The following RNF220 variants were observed in gnomAD, a reference collection of about 807,000 sequenced individuals.
The protein encoded by RNF220 is E3 ubiquitin-protein ligase RNF220.
Under a neutral mutation model 67.1 loss-of-function variants are expected in RNF220, and 7 were observed. The observed-to-expected ratio is 0.10, with a 90% CI of 0.06 to 0.20. RNF220 has a LOEUF of 0.20. RNF220 is among the 10% of genes least tolerant of loss of function. The pLI, the probability that RNF220 is intolerant of heterozygous loss-of-function variation, is 1.00. For missense variants in RNF220, 565 were observed against 740.3 expected (o/e 0.76, Z 2.75); for synonymous variants, 270 against 283.2 (o/e 0.95, Z 0.47).
In RNF220 at chr1:44,565,287, C is replaced by CAGGG. The variant is rs958106496; in HGVS notation, c.626-48860_626-48857dup. On this transcript the variant is annotated intron_variant, in intron 2 of 14. Transcript: ENST00000361799. This position sits in a 1 kb window ranked among gnomAD's most constrained non-coding sequence, Gnocchi z 4.2. ...CCAATCTGGAAGCCTGGGGAAAATG[C>CAGGG]AGGGAGGGAGGGAGGGAGGGAAGAA... 1.6e-5 allele frequency among the ~76,000 whole-genome samples: 2 copies of CAGGG among 127,268 alleles called. No individual in the cohort carries two copies. Among genetic ancestry groups the CAGGG allele is most frequent in the African/African-American group, 5.9e-5 (2 of 33,936 alleles). The allele number at this position is 127,268 out of a possible 152,430, so 83.5% of individuals were successfully genotyped here.
intron 6 of RNF220, among the ~76,000 whole-genome samples, chr1:44,633,111 G>A (rs567521170): frequency 6.8e-4 from 104 of 152,330 alleles, no homozygotes; most frequent in African/African-American, 2.4e-3. Context: ...GTAAGTGAGA[G>A]AGGCCATGGA....
intron 2 of RNF220, among the ~76,000 whole-genome samples, chr1:44,463,033 CAAAAAA>C (rs1557949402): frequency 1.4e-5 from 2 of 140,464 alleles, no homozygotes; most frequent in South Asian, 4.5e-4. Context: ...TCTCAAAAAA[CAAAAAA>C]AGAAAATACA....
chr1:44,481,396 A>G (rs1233744808), intron 2 of RNF220, among the ~76,000 whole-genome samples: 1 of 152,176 alleles, frequency 6.6e-6, no homozygotes. Context: ...GCTGCACTCC[A>G]TCCTGGGTTG....
At chr1:44,641,819 T>C (rs1644497612) in intron 8 of RNF220, among the ~76,000 whole-genome samples, 1 of 152,154 alleles carries the variant, frequency 6.6e-6, no homozygotes, top group Non-Finnish European at 1.5e-5. Flanking sequence ...GAGGATGGGG[T>C]CAGGGTCAGA....
intron 2 of RNF220, among the ~76,000 whole-genome samples, chr1:44,479,348 C>A (rs1430983492): frequency 1.3e-5 from 2 of 152,086 alleles, no homozygotes; most frequent in Non-Finnish European, 2.9e-5. Flanking sequence ...GATCTCCTGA[C>A]CTCGTGATCC....
intron 2 of RNF220, among the ~76,000 whole-genome samples, chr1:44,497,678 T>C (rs1657459983): frequency 6.6e-6 from 1 of 152,204 alleles, no homozygotes; most frequent in Non-Finnish European, 1.5e-5. Flanking sequence ...CGTGAGTATG[T>C]GATCATCCCC....
At chr1:44,434,010 G>A (rs1650684559) in intron 2 of RNF220, among the ~76,000 whole-genome samples, 1 of 151,870 alleles carries the variant, frequency 6.6e-6, no homozygotes, top group South Asian at 2.1e-4. Context: ...ATCATTAACT[G>A]CTTATATTAA....
At chr1:44,527,101 A>T (rs781621563) in intron 2 of RNF220, among the ~76,000 whole-genome samples, 26 of 151,952 alleles carry the variant, frequency 1.7e-4, no homozygotes, top group Non-Finnish European at 3.4e-4. Context: ...CTAAACACTG[A>T]TGAATACCAT....
At chr1:44,564,129 G>A (rs1252608671) in intron 2 of RNF220, among the ~76,000 whole-genome samples, 1 of 152,208 alleles carries the variant, frequency 6.6e-6, no homozygotes, top group Non-Finnish European at 1.5e-5. Context: ...AGAGTGGTGG[G>A]AGTAGGGGAT....
Position 44,650,586 on chromosome 1 carries a change from G to C in RNF220, c.1630-118G>C. 9.0e-7 allele frequency: 1 copy of C among 1,117,256 alleles called. No homozygotes were observed. Among genetic ancestry groups the C allele is most frequent in the African/African-American group, 1.5e-5 (1 of 65,450 alleles). 69.2% of individuals were successfully genotyped at this position (1,117,256 alleles called of 1,614,324 possible). A position where few individuals can be genotyped will look rare whatever the true frequency, so the allele number is the denominator to read the frequency against. On this transcript the variant is annotated intron_variant, in intron 14 of 14. Coordinates refer to ENST00000361799, the MANE Select transcript of RNF220 (RefSeq NM_018150.4). This position sits in a 1 kb window ranked among gnomAD's most constrained non-coding sequence, Gnocchi z 4.3. ...TGCCTATGCGTCCCCAGCCTGGGCT[G>C]ACAGGACCAAGGTCTCAGCACACAC...
At chr1:44,592,416 C>T (rs1558073451) in intron 2 of RNF220, among the ~76,000 whole-genome samples, 1 of 152,214 alleles carries the variant, frequency 6.6e-6, no homozygotes, top group Non-Finnish European at 1.5e-5. Flanking sequence ...CCAGCCCAGC[C>T]CCCTACGCAG....
At chr1:44,496,323 TAGAG>T (rs913350167) in intron 2 of RNF220, among the ~76,000 whole-genome samples, 6 of 152,176 alleles carry the variant, frequency 3.9e-5, no homozygotes, top group Admixed American at 1.3e-4. Context: ...GGGCTGATGA[TAGAG>T]AGTCAGAGTC....
At chr1:44,537,622 A>G (rs948494539) in intron 2 of RNF220, among the ~76,000 whole-genome samples, 2 of 152,174 alleles carry the variant, frequency 1.3e-5, no homozygotes, top group Non-Finnish European at 1.5e-5. Flanking sequence ...TCTCTTTACT[A>G]TATGATAAAC....
At position 44,622,869 on chromosome 1, in the gene RNF220, C is replaced by A; in HGVS notation, c.804+82C>A. The A allele has an allele frequency of 8.6e-7, 1 of 1,165,706 alleles. No individual in the cohort carries two copies. The highest frequency in any genetic ancestry group is 1.3e-6 in the Non-Finnish European group (1 of 778,784). The allele number at this position is 1,165,706 out of a possible 1,614,324, so 72.2% of individuals were successfully genotyped here. ...ACTGGTTCCTCCTGAGAAAAAGGAG[C>A]TTTTCTAGTATCCTCAACTATCTCC... On this transcript the variant is annotated intron_variant, in intron 4 of 14. Transcript: ENST00000361799. This position sits in a 1 kb window ranked among gnomAD's most constrained non-coding sequence, Gnocchi z 4.3.
intron 2 of RNF220, among the ~76,000 whole-genome samples, chr1:44,595,980 G>C (rs1666454688): frequency 6.6e-6 from 1 of 152,230 alleles, no homozygotes; most frequent in South Asian, 2.1e-4. Flanking sequence ...TAGCCAGGAT[G>C]GTCTCGATCT....
intron 8 of RNF220, among the ~76,000 whole-genome samples, chr1:44,640,683 G>C (rs1644462550): frequency 6.6e-6 from 1 of 152,226 alleles, no homozygotes; most frequent in Non-Finnish European, 1.5e-5. Flanking sequence ...ATTGTCAACT[G>C]TTCAGCGAGG....
intron 2 of RNF220, among the ~76,000 whole-genome samples, chr1:44,523,049 A>G (rs1660064461): frequency 6.6e-6 from 1 of 152,238 alleles, no homozygotes; most frequent in Non-Finnish European, 1.5e-5. Flanking sequence ...CATATGTTCA[A>G]AAATAAACAC....
chr1:44,467,040 G>A (rs1194615934), intron 2 of RNF220, among the ~76,000 whole-genome samples: 12 of 152,166 alleles, frequency 7.9e-5, no homozygotes. Flanking sequence ...CATCTACATT[G>A]AAAACACATT....
intron 8 of RNF220, among the ~76,000 whole-genome samples, chr1:44,641,861 T>A (rs530186482): frequency 6.6e-6 from 1 of 152,232 alleles, no homozygotes; most frequent in Non-Finnish European, 1.5e-5. Context: ...CAGAGGCCTT[T>A]TCTTTGGCAA....
Sources: allele counts gnomAD v4.1 joint callset (sites outside exome capture counted in the v4.1 genomes callset), GRCh38; gene constraint gnomAD v4.1.1; non-coding constraint Gnocchi (gnomAD v3.1); transcripts MANE v1.5; gene names NCBI Gene and HGNC (gene_info 2026-07-23, HGNC 2026-07-21).